Variants in CENPW observed in about 807,000 individuals in gnomAD.
CENPW encodes the protein centromere protein W.
CENPW carries 3 observed loss-of-function variants against 11.1 expected under a neutral mutation model. That is an observed-to-expected ratio of 0.27 (90% CI 0.12 to 0.70). The LOEUF is 0.70. Among genes scored for constraint, CENPW ranks in the 30% least tolerant of loss-of-function variants. The pLI, the probability that CENPW is intolerant of heterozygous loss-of-function variation, is 0.77. For synonymous variants in CENPW, 38 were observed against 42.0 expected, an observed-to-expected ratio of 0.91 and a Z score of 0.37; for missense variants, 100 against 105.6, an observed-to-expected ratio of 0.95 and a Z score of 0.23.
the CENPW span, among the ~76,000 whole-genome samples, chr6:126,411,442 T>G: frequency 4.6e-5 from 7 of 152,198 alleles, no homozygotes; most frequent in African/African-American, 1.7e-4. Context: ...GCTGCAGTGC[T>G]GCTGAGTTTC....
chr6:126,385,453 G>T, the CENPW span, among the ~76,000 whole-genome samples: 1 of 152,022 alleles, frequency 6.6e-6, no homozygotes, highest in Non-Finnish European at 1.5e-5. Flanking sequence ...TGTCCTTTGA[G>T]AGATACTATT....
At chr6:126,412,396 T>C in the CENPW span, among the ~76,000 whole-genome samples, 1 of 152,106 alleles carries the variant, frequency 6.6e-6, no homozygotes, top group African/African-American at 2.4e-5. Context: ...TCTGGCCTCC[T>C]TGTATCTGAA....
chr6:126,353,356 A>G (rs1302117835), downstream of CENPW, among the ~76,000 whole-genome samples: 1 of 151,250 alleles, frequency 6.6e-6, no homozygotes, highest in Non-Finnish European at 1.5e-5. Flanking sequence ...AGATATTTTC[A>G]TCAGATAGGA....
chr6:126,364,954 A>G, the CENPW span, among the ~76,000 whole-genome samples: 2 of 152,228 alleles, frequency 1.3e-5, no homozygotes, highest in East Asian at 3.8e-4. Flanking sequence ...TTATTCATAA[A>G]TCAAGAAACT....
At chr6:126,370,625 CTT>C in the CENPW span, among the ~76,000 whole-genome samples, 3 of 152,158 alleles carry the variant, frequency 2.0e-5, no homozygotes, top group Non-Finnish European at 4.4e-5. Context: ...TATCCTGAAA[CTT>C]CTCTGATTTC....
At chr6:126,340,751 A>G (rs991652822) in intron 1 of CENPW, among the ~76,000 whole-genome samples, 9 of 152,114 alleles carry the variant, frequency 5.9e-5, no homozygotes, top group African/African-American at 2.2e-4. Context: ...TGAAAGAATC[A>G]CCCTTTAAAA....
the CENPW span, among the ~76,000 whole-genome samples, chr6:126,422,248 G>A: frequency 4.6e-5 from 7 of 152,150 alleles, no homozygotes; most frequent in East Asian, 1.9e-4. Context: ...TGTTAACTCC[G>A]CAAGTAATCC....
chr6:126,423,553 G>A, the CENPW span, among the ~76,000 whole-genome samples: 1 of 151,958 alleles, frequency 6.6e-6, no homozygotes, highest in Non-Finnish European at 1.5e-5. Flanking sequence ...TTGTGTCTTT[G>A]TTTTACATAG....
At chr6:126,350,744 T>A (rs751207339), downstream of CENPW, among the ~76,000 whole-genome samples, 1 of 152,178 alleles carries the variant, frequency 6.6e-6, no homozygotes, top group Non-Finnish European at 1.5e-5. Flanking sequence ...AATATAGTAA[T>A]ACATATATGT....
intron 1 of CENPW, among the ~76,000 whole-genome samples, chr6:126,345,329 A>G (rs1190851796): frequency 6.6e-6 from 1 of 151,976 alleles, no homozygotes; most frequent in Non-Finnish European, 1.5e-5. Flanking sequence ...TTATATGTAG[A>G]GCTTGTTTCT....
the CENPW span, among the ~76,000 whole-genome samples, chr6:126,354,461 G>A: frequency 1.3e-5 from 2 of 152,014 alleles, no homozygotes; most frequent in Non-Finnish European, 2.9e-5. Flanking sequence ...AAGTAATTGC[G>A]ATTTTTGCCA....
At chr6:126,451,616 G>A in the CENPW span, among the ~76,000 whole-genome samples, 4 of 151,082 alleles carry the variant, frequency 2.6e-5, no homozygotes, top group African/African-American at 9.7e-5. Context: ...CCTGCAAGGA[G>A]ACTAAATTTG....
the CENPW span, among the ~76,000 whole-genome samples, chr6:126,372,136 A>G: frequency 3.3e-5 from 5 of 151,270 alleles, no homozygotes; most frequent in Admixed American, 3.3e-4. Context: ...GTTTGGGTTT[A>G]ATTTGTTCTT....
the CENPW span, among the ~76,000 whole-genome samples, chr6:126,396,176 G>A: frequency 6.6e-6 from 1 of 152,022 alleles, no homozygotes; most frequent in African/African-American, 2.4e-5. Flanking sequence ...CAGGAGCCAG[G>A]GACTAGAGGC....
chr6:126,478,335 C>T, the CENPW span, among the ~76,000 whole-genome samples: 1 of 151,596 alleles, frequency 6.6e-6, no homozygotes, highest in Non-Finnish European at 1.5e-5. Flanking sequence ...TCCTCCAGCC[C>T]ACTAAGCTGG....
At chr6:126,477,596 A>T in the CENPW span, among the ~76,000 whole-genome samples, 1 of 152,040 alleles carries the variant, frequency 6.6e-6, no homozygotes, top group Non-Finnish European at 1.5e-5. Flanking sequence ...AAGAGCTCAA[A>T]TGACTTACTC....
chr6:126,429,965 CCTT>C, the CENPW span, among the ~76,000 whole-genome samples: 1 of 152,144 alleles, frequency 6.6e-6, no homozygotes, highest in Non-Finnish European at 1.5e-5. Flanking sequence ...CTGTGTTTGT[CCTT>C]CTTCCTCAGA....
downstream of CENPW, among the ~76,000 whole-genome samples, chr6:126,350,079 C>T (rs1780473502): frequency 6.6e-6 from 1 of 152,092 alleles, no homozygotes; most frequent in Non-Finnish European, 1.5e-5. Context: ...TCCAGGGTGG[C>T]TGTACCATTT....
At chr6:126,352,303 G>T (rs1172000893), downstream of CENPW, among the ~76,000 whole-genome samples, 1 of 152,056 alleles carries the variant, frequency 6.6e-6, no homozygotes, top group Non-Finnish European at 1.5e-5. Flanking sequence ...GCTGACCCCT[G>T]TGTTAGATAA....
Sources: gnomAD v4.1 joint callset for allele counts (sites outside exome capture counted in the v4.1 genomes callset) on GRCh38, gnomAD v4.1.1 for gene constraint, MANE v1.5 for transcripts, NCBI Gene and HGNC (gene_info 2026-07-23, HGNC 2026-07-21) for gene names.